The following ASTN1 variants were observed in gnomAD, a reference collection of about 807,000 sequenced individuals.
ASTN1 encodes astrotactin 1.
ASTN1 carries 41 observed loss-of-function variants against 140.7 expected under a neutral mutation model. The ratio of observed to expected loss-of-function variants is 0.29; its 90% CI spans 0.23 to 0.38. ASTN1 has a LOEUF of 0.38. Ranked by LOEUF, ASTN1 falls within the 10% of genes least tolerant of loss-of-function variation. ASTN1 has a pLI of 1.00. For synonymous variants in ASTN1, 640 were observed against 652.2 expected (o/e 0.98, Z 0.29); for missense variants, 1,479 against 1,678.8 (o/e 0.88, Z 2.08).
chr1:176,917,941 A>T (rs1670560627), intron 16 of ASTN1, among the ~76,000 whole-genome samples: 1 of 152,200 alleles, frequency 6.6e-6, no homozygotes, highest in Non-Finnish European at 1.5e-5. Flanking sequence ...TAATAATTTT[A>T]AACTCCTGCA....
intron 14 of ASTN1, among the ~76,000 whole-genome samples, 198 bp from the exon 15 acceptor site, chr1:176,936,568 C>T (rs1203276836): frequency 6.6e-6 from 1 of 152,204 alleles, no homozygotes; most frequent in African/African-American, 2.4e-5. Context: ...AGGCATTTTG[C>T]TAAGCACTTT....
At chr1:177,115,292 G>A (rs1298785700) in intron 1 of ASTN1, among the ~76,000 whole-genome samples, 2 of 152,144 alleles carry the variant, frequency 1.3e-5, no homozygotes, top group African/African-American at 4.8e-5. Context: ...CCTATTCAGA[G>A]TGAAAATTAA....
In ASTN1 at chr1:177,056,562, CATAT is replaced by C. The variant is rs146444597; in HGVS notation, c.471+4512_471+4515del. 9.5e-5 allele frequency among the ~76,000 whole-genome samples: 13 copies of C among 136,302 alleles called. No homozygotes were observed. The East Asian group carries it at 1.5e-3, about 16-fold the overall frequency. The allele number at this position is 136,302 out of a possible 152,430, so 89.4% of individuals were successfully genotyped here. On this transcript the variant is annotated intron_variant, in intron 2 of 22. Transcript: ENST00000361833. ...GGGAGTTATCAATACAGAAAAATTT[CATAT>C]ATATATATATATATATATATACACA...
At position 177,108,221 on chromosome 1, in the gene ASTN1, C is replaced by T. The variant is rs184336406; in HGVS notation, c.284-46956G>A. Reference sequence around the variant, plus strand: ...AAAATTAGCTGGGCGTGGTGGTGCACGCCTGTAGTCCCAGCTACTCCAGAG... The same window carrying T: ...AAAATTAGCTGGGCGTGGTGGTGCATGCCTGTAGTCCCAGCTACTCCAGAG... On this transcript the variant is annotated intron_variant, in intron 1 of 22. Coordinates refer to ENST00000361833, the MANE Select transcript of ASTN1 (RefSeq NM_004319.3). 3.3e-3 allele frequency among the ~76,000 whole-genome samples: 497 copies of T among 151,636 alleles called. 2 individuals carry two copies. In the Middle Eastern group the frequency reaches 0.061, roughly 19 times the overall value.
chr1:177,084,573 C>T (rs1203461598), intron 1 of ASTN1, among the ~76,000 whole-genome samples: 1 of 152,108 alleles, frequency 6.6e-6, no homozygotes, highest in Non-Finnish European at 1.5e-5. Context: ...ATTTCATACT[C>T]TTTCCATCTT....
intron 8 of ASTN1, among the ~76,000 whole-genome samples, chr1:176,995,943 C>G (rs569747299): frequency 2.1e-4 from 32 of 152,212 alleles, no homozygotes; most frequent in African/African-American, 6.7e-4. Flanking sequence ...ATGCTCCATG[C>G]TGGACCCTGG....
At chr1:177,058,532 T>C (rs1466712098) in intron 2 of ASTN1, among the ~76,000 whole-genome samples, 1 of 152,236 alleles carries the variant, frequency 6.6e-6, no homozygotes, top group Non-Finnish European at 1.5e-5. Context: ...ACTCTTGTTC[T>C]TTCTCCATTT....
chr1:177,047,559 T>C (rs1677302624), intron 2 of ASTN1, among the ~76,000 whole-genome samples: 1 of 151,954 alleles, frequency 6.6e-6, no homozygotes, highest in Non-Finnish European at 1.5e-5. Context: ...AGCCTGATGG[T>C]GGTTGAAGGG....
At chr1:177,129,841 C>A (rs1451512711) in intron 1 of ASTN1, among the ~76,000 whole-genome samples, 1 of 152,152 alleles carries the variant, frequency 6.6e-6, no homozygotes, top group Admixed American at 6.5e-5. Context: ...GTGGCACGCA[C>A]CTGTAGTCCC....
At chr1:177,002,667 A>G (rs944068306) in intron 8 of ASTN1, among the ~76,000 whole-genome samples, 1 of 152,232 alleles carries the variant, frequency 6.6e-6, no homozygotes, top group African/African-American at 2.4e-5. Context: ...TTGAAATTAC[A>G]TAAAGTTTAA....
chr1:177,086,521 A>G (rs1032257092), intron 1 of ASTN1, among the ~76,000 whole-genome samples: 1 of 152,210 alleles, frequency 6.6e-6, no homozygotes, highest in African/African-American at 2.4e-5. Context: ...GCTCAGCAGA[A>G]GGGATGGATA....
chr1:177,157,339 A>G (rs1404658502), intron 1 of ASTN1, among the ~76,000 whole-genome samples: 2 of 151,880 alleles, frequency 1.3e-5, no homozygotes, highest in African/African-American at 4.8e-5. Context: ...TTTGTTTTAT[A>G]AGGTCTTACT....
intron 1 of ASTN1, among the ~76,000 whole-genome samples, chr1:177,062,021 C>T (rs1277305493): frequency 6.6e-6 from 1 of 152,068 alleles, no homozygotes; most frequent in African/African-American, 2.4e-5. Flanking sequence ...AATACGAAAA[C>T]TGACTATGCC....
chr1:176,863,303 T>A lies in ASTN1; in HGVS notation c.*981A>T. 1 of 985,878 alleles carries A rather than the reference T, an allele frequency of 1.0e-6. No individual in the cohort carries two copies. The highest frequency in any genetic ancestry group is 1.2e-6 in the Non-Finnish European group (1 of 829,938). The allele number at this position is 985,878 out of a possible 1,614,324, so 61.1% of individuals were successfully genotyped here. A position where few individuals can be genotyped will look rare whatever the true frequency, so the allele number is the denominator to read the frequency against. On this transcript the variant is annotated 3_prime_UTR_variant, in exon 23 of 23. Coordinates refer to ENST00000361833, the MANE Select transcript of ASTN1 (RefSeq NM_004319.3). The stretch of plus-strand genomic sequence containing the variant: ...TAGCTTTAGTTCACTGTAACACTGA[T>A]ATGAAAGTGTTGACCCCTCCTGGTC...
intron 17 of ASTN1, among the ~76,000 whole-genome samples, chr1:176,893,393 C>G (rs1033435849): frequency 6.6e-6 from 1 of 152,172 alleles, no homozygotes; most frequent in Non-Finnish European, 1.5e-5. Context: ...CCCATCCTTC[C>G]GAAGGTCTCT....
At chr1:177,105,138 TTA>T (rs1680491631) in intron 1 of ASTN1, among the ~76,000 whole-genome samples, 1 of 152,052 alleles carries the variant, frequency 6.6e-6, no homozygotes, top group African/African-American at 2.4e-5. Flanking sequence ...TGATGGGGGA[TTA>T]TATGACAACA....
intron 5 of ASTN1, among the ~76,000 whole-genome samples, chr1:177,025,714 T>TA (rs1288666134): frequency 6.6e-6 from 1 of 152,238 alleles, no homozygotes; most frequent in Non-Finnish European, 1.5e-5. Flanking sequence ...ATTTGCTTTC[T>TA]TACAATAAGC....
At position 177,024,644 on chromosome 1, in the gene ASTN1, G is replaced by C; in HGVS notation, c.1209C>G (p.His403Gln). 6.2e-7 allele frequency: 1 copy of C among 1,614,068 alleles called. No homozygotes were observed. Among genetic ancestry groups the C allele is most frequent in the Non-Finnish European group, 8.5e-7 (1 of 1,179,986 alleles). The change falls in exon 6 of 23, where the codon CAC becomes CAG. Residue 403 changes from histidine (H) to glutamine (Q), a missense_variant. His to Gln is a conservative substitution (Grantham distance 24). Transcript: ENST00000361833. ...SCVIGLVCSS[H>Q]VNCPLVVKIT... ...TCTTGACAACGAGAGGGCAGTTGAC[G>C]TGAGAGGAGCACACGAGGCCAATCA...
intron 8 of ASTN1, among the ~76,000 whole-genome samples, chr1:176,995,667 C>G (rs1674405180): frequency 6.6e-6 from 1 of 152,106 alleles, no homozygotes; most frequent in African/African-American, 2.4e-5. Flanking sequence ...TTGTAGTTCA[C>G]CTTAGGAAAC....
Sources: gnomAD v4.1 joint callset for allele counts (sites outside exome capture counted in the v4.1 genomes callset) on GRCh38, gnomAD v4.1.1 for gene constraint, MANE v1.5 for transcripts, NCBI Gene and HGNC (gene_info 2026-07-23, HGNC 2026-07-21) for gene names.